The following XRCC3 variants were observed in gnomAD, a reference collection of about 807,000 sequenced individuals.
XRCC3 encodes X-ray repair cross complementing 3, also known as DNA repair protein XRCC3.
Under a neutral mutation model 29.2 loss-of-function variants are expected in XRCC3, and 34 were observed. The observed-to-expected ratio is 1.16, with a 90% CI of 0.88 to 1.55. The LOEUF is 1.55. XRCC3 is among the 40% of genes most tolerant of loss of function. The pLI is 0.00. For missense variants in XRCC3, 463 were observed against 467.6 expected (o/e 0.99, Z 0.09); for synonymous variants, 223 against 211.3 (o/e 1.06, Z -0.48).
chr14:103,706,220 A>C (rs894160179), intron 6 of XRCC3: 1 of 430,514 alleles, frequency 2.3e-6, no homozygotes, highest in African/African-American at 2.0e-5. Flanking sequence ...AGGGTGGCAG[A>C]GGTGAGGTTC....
Position 103,699,528 on chromosome 14 carries a change from G to A in XRCC3, c.610C>T (p.Arg204Trp), listed in dbSNP as rs779189770. The A allele has an allele frequency of 1.9e-5, 31 of 1,613,444 alleles. No individual in the cohort carries two copies. The highest frequency in any genetic ancestry group is 6.6e-5 in the South Asian group (6 of 91,054). Residue 204 changes from arginine to tryptophan, a missense_variant, in exon 8 of 10, where the codon CGG becomes TGG. Transcript: ENST00000555055. ...VNKKVPVLLS[R>W]GMARLVVIDS... ...ATGACCACCAGGCGAGCCATGCCCC[G>A]AGACAGCAGTACGGGGACCTTCTTA... is the stretch of plus-strand genomic sequence containing the variant.
At position 103,711,122 on chromosome 14, in the gene XRCC3, TC is replaced by T; in HGVS notation, c.-36del. 1.2e-6 allele frequency: 2 copies of T among 1,612,220 alleles called. No individual in the cohort carries two copies. Among genetic ancestry groups the T allele is most frequent in the Middle Eastern group, 3.3e-4 (2 of 6,060 alleles). On this transcript the variant is annotated 5_prime_UTR_variant, in exon 4 of 10. Transcript: ENST00000555055. ...GGGCTGGCCACCAGGATGAATAACT[TC>T]CCAGGAAAGACAGAACAATGGATGC...
At chr14:103,710,755 C>A in intron 4 of XRCC3, 6 of 393,500 alleles carry the variant, frequency 1.5e-5, no homozygotes, top group South Asian at 8.2e-5. Flanking sequence ...AAAAAAAAAA[C>A]TAAAAGACTT....
rs55653926 is a variant in XRCC3, at chr14:103,711,629, C to G, written c.-260-62G>C. The G allele has an allele frequency of 8.7e-3, 3,963 of 456,308 alleles. 102 individuals carry two copies. Among genetic ancestry groups the G allele is most frequent in the African/African-American group, 0.059 (2,956 of 50,178 alleles). 28.3% of individuals were successfully genotyped at this position (456,308 alleles called of 1,614,324 possible). A position where few individuals can be genotyped will look rare whatever the true frequency, so the allele number is the denominator to read the frequency against. On this transcript the variant is annotated intron_variant, in intron 2 of 9. Transcript: ENST00000555055. ...GGTGCTCAGGGATCCAAACATCAGT[C>G]GCCCCCAGCAGCCAACAGCAGAAGA...
At chr14:103,700,532 C>A in intron 7 of XRCC3, 2 of 741,558 alleles carry the variant, frequency 2.7e-6, no homozygotes, top group South Asian at 1.7e-5. Context: ...TGCTAAGGGG[C>A]CCCTAGGCTG....
chr14:103,708,125 T>A (rs2151939723), intron 5 of XRCC3: 1 of 345,592 alleles, frequency 2.9e-6, no homozygotes, highest in South Asian at 2.4e-5. Flanking sequence ...CCTGGGTACC[T>A]CCTTCCCCTG....
At chr14:103,712,042 G>A (rs1379849796) in intron 2 of XRCC3, 2 of 335,238 alleles carry the variant, frequency 6.0e-6, no homozygotes, top group South Asian at 4.7e-5. Flanking sequence ...CACAGAATGC[G>A]GCACTGGCCT....
chr14:103,712,969 C>G (rs1347504642), intron 1 of XRCC3, 38 bp from the exon 2 acceptor site: 2 of 152,370 alleles, frequency 1.3e-5, no homozygotes, highest in Non-Finnish European at 2.9e-5. Context: ...GGCTCAAAGT[C>G]TGTTTAGTGA....
In XRCC3 at chr14:103,703,577, C is replaced by A. The variant is rs1045415389; in HGVS notation, c.407-250G>T. 7.5e-6 allele frequency: 4 copies of A among 532,584 alleles called. No individual in the cohort carries two copies. In the African/African-American group the frequency reaches 7.6e-5, roughly 10 times the overall value. The allele number at this position is 532,584 out of a possible 1,614,324, so 33.0% of individuals were successfully genotyped here. A position where few individuals can be genotyped will look rare whatever the true frequency, so the allele number is the denominator to read the frequency against. ...ACTTCTGACACCCAGGCAAGGACTT[C>A]CCCTGTCCTGGGCCCTGGGCTGGAA... On this transcript the variant is annotated intron_variant, in intron 6 of 9. Transcript: ENST00000555055.
intron 6 of XRCC3, chr14:103,704,064 T>C (rs1232605619): frequency 6.5e-6 from 1 of 153,340 alleles, no homozygotes; most frequent in East Asian, 1.9e-4. Context: ...GGCCATCAAC[T>C]GAGGAGTGGA....
chr14:103,710,853 A>AACACGAACACACAC, intron 4 of XRCC3, 180 bp downstream of exon 4: 1 of 562,766 alleles, frequency 1.8e-6, no homozygotes, highest in South Asian at 2.2e-5. Flanking sequence ...TGTAGTTAAG[A>AACACGAACACACAC]ACACACACAC....
At chr14:103,702,362 G>T (rs1282966324) in intron 7 of XRCC3, 1 of 152,384 alleles carries the variant, frequency 6.6e-6, no homozygotes, top group Non-Finnish European at 1.5e-5. Flanking sequence ...CCTAGTGAGG[G>T]CCGTCTTCCC....
intron 3 of XRCC3, 45 bp downstream of exon 3, chr14:103,711,421 A>G (rs1422433869): frequency 1.8e-6 from 1 of 545,936 alleles, no homozygotes; most frequent in African/African-American, 1.9e-5. Context: ...AGTGCTAGAA[A>G]TAAGACCATC....
At chr14:103,705,234 T>G (rs1047281523) in intron 6 of XRCC3, 3 of 152,282 alleles carry the variant, frequency 2.0e-5, no homozygotes, top group Admixed American at 6.5e-5. Flanking sequence ...ACTGTGCCCC[T>G]AGTCAGGAGC....
intron 7 of XRCC3, chr14:103,699,926 T>C: frequency 2.7e-6 from 1 of 364,468 alleles, no homozygotes; most frequent in Non-Finnish European, 5.3e-6. Context: ...TGCCATGGTT[T>C]CACCCTCTCC....
intron 7 of XRCC3, chr14:103,701,688 C>G (rs556963541): frequency 6.5e-6 from 1 of 153,186 alleles, no homozygotes; most frequent in East Asian, 1.9e-4. Context: ...TCCTGGCTAA[C>G]ATGGTGAAAC....
intron 6 of XRCC3, 28 bp from the exon 7 acceptor site, chr14:103,703,355 CA>C: frequency 1.9e-6 from 3 of 1,539,432 alleles, no homozygotes; most frequent in Non-Finnish European, 2.6e-6. Flanking sequence ...CTGATGTGCC[CA>C]GGGGACTCCA....
intron 7 of XRCC3, among the ~76,000 whole-genome samples, 193 bp from the exon 8 acceptor site, chr14:103,699,769 C>G (rs1389856037): frequency 1.3e-5 from 2 of 152,178 alleles, no homozygotes; most frequent in Non-Finnish European, 2.9e-5. Flanking sequence ...ACTATAGAAG[C>G]TTCAGGCTCA....
In XRCC3 at chr14:103,703,255, C is replaced by A. The variant is rs546280840; in HGVS notation, c.479G>T (p.Arg160Leu). The change falls in exon 7 of 10, where the codon CGG becomes CTG. Residue 160 changes from arginine (R) to leucine (L), a missense_variant. Transcript: ENST00000555055. ...CTCTCCTGGAACGTCAGTGCGCAGCCGCGGCTGCTGGGCCATGAGCTGCTG... is the reference window on the plus strand; with the variant it reads ...CTCTCCTGGAACGTCAGTGCGCAGCAGCGGCTGCTGGGCCATGAGCTGCTG... ...RLQQLMAQQP[R>L]LRTDVPGELL... The A allele has an allele frequency of 6.4e-7, 1 of 1,561,694 alleles. No individual in the cohort carries two copies. The highest frequency in any genetic ancestry group is 8.7e-7 in the Non-Finnish European group (1 of 1,154,362).
Sources: gnomAD v4.1 joint callset for allele counts (sites outside exome capture counted in the v4.1 genomes callset) on GRCh38, gnomAD v4.1.1 for gene constraint, MANE v1.5 for transcripts, NCBI Gene and HGNC (gene_info 2026-07-23, HGNC 2026-07-21) for gene names.